Variants in AKAP6 observed in about 807,000 individuals in gnomAD.
The protein encoded by AKAP6 is A-kinase anchoring protein 6, also known as A-kinase anchor protein 6.
A neutral mutation model predicts 188.5 loss-of-function variants in AKAP6; 58 were observed. The observed-to-expected ratio is 0.31, with a 90% CI of 0.25 to 0.38. The LOEUF (loss-of-function observed/expected upper bound fraction) is 0.38, where lower values mean the gene tolerates loss of function less well. AKAP6 is among the 10% of genes least tolerant of loss of function. AKAP6 has a pLI of 1.00. For missense variants in AKAP6, 2,710 were observed against 2,740.0 expected (o/e 0.99, Z 0.24); for synonymous variants, 989 against 998.6 (o/e 0.99, Z 0.18).
intron 3 of AKAP6, among the ~76,000 whole-genome samples, chr14:32,537,041 T>C (rs1266120101): frequency 6.6e-6 from 1 of 152,248 alleles, no homozygotes; most frequent in Admixed American, 6.5e-5. Flanking sequence ...TGTTGCATAA[T>C]TCATTAATTT....
At chr14:32,820,516 G>A (rs908717088) in intron 12 of AKAP6, among the ~76,000 whole-genome samples, 3 of 152,038 alleles carry the variant, frequency 2.0e-5, no homozygotes, top group Non-Finnish European at 2.9e-5. Flanking sequence ...TTCATCCTGG[G>A]GTGGTCAGGA....
intron 2 of AKAP6, among the ~76,000 whole-genome samples, chr14:32,440,710 C>T (rs959397881): frequency 4.6e-5 from 7 of 152,060 alleles, no homozygotes; most frequent in African/African-American, 7.2e-5. Context: ...AAAATTTACA[C>T]GAAATACCCA....
At chr14:32,641,111 A>AT (rs372337959) in intron 7 of AKAP6, among the ~76,000 whole-genome samples, 3 of 151,240 alleles carry the variant, frequency 2.0e-5, no homozygotes, top group Non-Finnish European at 4.4e-5. Context: ...GTCGTTGTGA[A>AT]TTTTTTTTTC....
chr14:32,558,883 C>A (rs1166945954), intron 4 of AKAP6, among the ~76,000 whole-genome samples: 1 of 152,130 alleles, frequency 6.6e-6, no homozygotes, highest in African/African-American at 2.4e-5. Flanking sequence ...TTGCTCGCAT[C>A]CCACTGGCCC....
chr14:32,769,951 G>C (rs1341063326), intron 11 of AKAP6, among the ~76,000 whole-genome samples: 2 of 152,096 alleles, frequency 1.3e-5, no homozygotes, highest in African/African-American at 2.4e-5. Context: ...GCACATATTT[G>C]ATATATAATG....
chr14:32,732,484 C>T lies in AKAP6; in HGVS notation c.3031C>T (p.Leu1011=), dbSNP rs1185883607. 1 of 1,613,304 alleles carries T rather than the reference C, an allele frequency of 6.2e-7. No individual in the cohort carries two copies. Among genetic ancestry groups the T allele is most frequent in the East Asian group, 2.2e-5 (1 of 44,850 alleles). ...CAGTGTGGAAATGTCCATCAGACACCTGAAAAAGACGGAGCTGCTTAGTAA... is the reference window on the plus strand; with the variant it reads ...CAGTGTGGAAATGTCCATCAGACACTTGAAAAAGACGGAGCTGCTTAGTAA... ...RYSVEMSIRH[L]KKTELLSKVE... The change falls in exon 10 of 14, where the codon CTG becomes TTG. Residue 1011 remains leucine, a synonymous_variant. Transcript: ENST00000280979.
At chr14:32,620,047 A>G (rs1236293220) in intron 7 of AKAP6, among the ~76,000 whole-genome samples, 1 of 152,092 alleles carries the variant, frequency 6.6e-6, no homozygotes, top group Non-Finnish European at 1.5e-5. Flanking sequence ...CTGAGACTTT[A>G]CTGAATTCAT....
chr14:32,703,916 A>C (rs965317986), intron 9 of AKAP6, among the ~76,000 whole-genome samples: 1 of 152,150 alleles, frequency 6.6e-6, no homozygotes, highest in Non-Finnish European at 1.5e-5. Flanking sequence ...ATATGTGCTG[A>C]GTGTTATTTT....
chr14:32,577,306 T>C, intron 5 of AKAP6, 64 bp downstream of exon 5: 5 of 1,561,424 alleles, frequency 3.2e-6, no homozygotes, highest in Non-Finnish European at 4.3e-6. Flanking sequence ...TGCTTGTTTG[T>C]TTATGAGAAA....
At chr14:32,363,012 A>T (rs868728548) in intron 1 of AKAP6, among the ~76,000 whole-genome samples, 1 of 152,182 alleles carries the variant, frequency 6.6e-6, no homozygotes, top group Non-Finnish European at 1.5e-5. Context: ...TAAGCCAAAG[A>T]TGACTTTGGG....
chr14:32,568,827 T>C lies in AKAP6; in HGVS notation c.2347-8293T>C, dbSNP rs192138053. Among the ~76,000 whole-genome samples, 1 of 152,344 alleles carries C rather than the reference T, an allele frequency of 6.6e-6. No homozygotes were observed. The highest frequency in any genetic ancestry group is 1.5e-5 in the Non-Finnish European group (1 of 68,026). On this transcript the variant is annotated intron_variant, in intron 4 of 13. Transcript: ENST00000280979. The surrounding 1 kb of genome is among the most constrained non-coding windows in gnomAD (Gnocchi z 6.2). ...TAAGTGCCTGGTGTGTAGTAAGTGC[T>C]CAGTTAATGTTAACCTATTGTTTGT... is the stretch of plus-strand genomic sequence containing the variant.
chr14:32,364,097 G>A lies in AKAP6; in HGVS notation c.-35+34689G>A, dbSNP rs138780506. Among the ~76,000 whole-genome samples the A allele has an allele frequency of 3.6e-3, 545 of 152,290 alleles. 4 individuals carry two copies. The highest frequency in any genetic ancestry group is 0.012 in the African/African-American group (505 of 41,564). On this transcript the variant is annotated intron_variant, in intron 1 of 13. Transcript: ENST00000280979. Reference sequence around the variant, plus strand: ...AGGAGAGAGAACAGGAGAAGCAAGCGTGGCGTGGTAAGCTGCTTTACACTG... The same window carrying A: ...AGGAGAGAGAACAGGAGAAGCAAGCATGGCGTGGTAAGCTGCTTTACACTG...
At chr14:32,368,836 C>A (rs1380197825) in intron 1 of AKAP6, among the ~76,000 whole-genome samples, 1 of 151,320 alleles carries the variant, frequency 6.6e-6, no homozygotes, top group East Asian at 1.9e-4. Flanking sequence ...CTAAATAATC[C>A]CTGCCCTCTT....
intron 1 of AKAP6, among the ~76,000 whole-genome samples, chr14:32,350,843 G>A (rs1364135121): frequency 6.6e-6 from 1 of 152,042 alleles, no homozygotes; most frequent in African/African-American, 2.4e-5. Flanking sequence ...ATCAGAGGAT[G>A]GTAGGATGAG....
At chr14:32,647,805 C>T (rs1160370721) in intron 7 of AKAP6, among the ~76,000 whole-genome samples, 1 of 152,100 alleles carries the variant, frequency 6.6e-6, no homozygotes, top group Non-Finnish European at 1.5e-5. Flanking sequence ...CTGCCCAACT[C>T]TATGAAATAT....
chr14:32,386,636 T>C (rs1888544551), intron 1 of AKAP6, among the ~76,000 whole-genome samples: 1 of 152,202 alleles, frequency 6.6e-6, no homozygotes. Flanking sequence ...TATCTTTGTT[T>C]TTATTGCATT....
chr14:32,494,020 C>T (rs918984022), intron 2 of AKAP6, among the ~76,000 whole-genome samples: 84 of 152,206 alleles, frequency 5.5e-4, no homozygotes, highest in African/African-American at 2.0e-3. Flanking sequence ...AGAGTGGTAG[C>T]CAAGGAAAGA....
chr14:32,717,624 A>T (rs1379133604), intron 9 of AKAP6, among the ~76,000 whole-genome samples: 2 of 151,588 alleles, frequency 1.3e-5, no homozygotes, highest in Non-Finnish European at 2.9e-5. Context: ...ACACACACAC[A>T]CACACACACA....
intron 2 of AKAP6, among the ~76,000 whole-genome samples, chr14:32,475,592 G>T (rs1171874098): frequency 1.3e-5 from 2 of 152,018 alleles, no homozygotes; most frequent in African/African-American, 4.8e-5. Flanking sequence ...TCTCTTTGCA[G>T]CACTGGCATG....
Sources: gnomAD v4.1 joint callset for allele counts (sites outside exome capture counted in the v4.1 genomes callset) on GRCh38, gnomAD v4.1.1 for gene constraint, Gnocchi (gnomAD v3.1) non-coding constraint, MANE v1.5 for transcripts, NCBI Gene and HGNC (gene_info 2026-07-23, HGNC 2026-07-21) for gene names.